The following SDK1 variants were observed in gnomAD, a reference collection of about 807,000 sequenced individuals.
SDK1 encodes sidekick cell adhesion molecule 1.
In SDK1, 157 loss-of-function variants were observed where a neutral mutation model predicts 245.5. The ratio of observed to expected loss-of-function variants is 0.64; its 90% CI spans 0.56 to 0.73. The LOEUF is 0.73. Ranked by LOEUF, SDK1 falls within the 30% of genes least tolerant of loss-of-function variation. SDK1 has a pLI of 0.00. For synonymous variants in SDK1, 1,647 were observed against 1,278.5 expected, an observed-to-expected ratio of 1.29 and a Z score of -6.15; for missense variants, 3,583 against 3,002.3, an observed-to-expected ratio of 1.19 and a Z score of -4.52.
At position 3,453,265 on chromosome 7, in the gene SDK1, G is replaced by A. The variant is rs190022289; in HGVS notation, c.298+151381G>A. Among the ~76,000 whole-genome samples the A allele has an allele frequency of 2.9e-4, 44 of 152,298 alleles. No homozygotes were observed. The East Asian group carries it at 8.3e-3, about 29-fold the overall frequency. On this transcript the variant is annotated intron_variant, in intron 1 of 44. Coordinates refer to ENST00000404826, the MANE Select transcript of SDK1 (RefSeq NM_152744.4). ...AACAATGGCTCTAGAACTTGGCTGG[G>A]CATGAGGAACATCACTGGCTTGTAA...
At chr7:3,865,139 A>G (rs1308937232) in intron 5 of SDK1, among the ~76,000 whole-genome samples, 1 of 152,120 alleles carries the variant, frequency 6.6e-6, no homozygotes, top group Non-Finnish European at 1.5e-5. Flanking sequence ...CCATCTTGGG[A>G]AGTGATGAAC....
chr7:4,059,324 T>TA (rs1338432640), intron 19 of SDK1, among the ~76,000 whole-genome samples: 1 of 151,878 alleles, frequency 6.6e-6, no homozygotes, highest in African/African-American at 2.4e-5. Context: ...ATACTTTAAG[T>TA]AAAAAACAGT....
chr7:3,914,657 G>T (rs1279963833), intron 5 of SDK1, among the ~76,000 whole-genome samples: 1 of 152,102 alleles, frequency 6.6e-6, no homozygotes, highest in Non-Finnish European at 1.5e-5. Context: ...ATGATTTTTT[G>T]CTTGAGGACA....
chr7:3,353,083 T>G (rs1780702842), intron 1 of SDK1, among the ~76,000 whole-genome samples: 1 of 152,226 alleles, frequency 6.6e-6, no homozygotes, highest in African/African-American at 2.4e-5. Flanking sequence ...TTATCCCAAT[T>G]TAGCTTTTTT....
At chr7:4,062,325 C>A (rs969849821) in intron 19 of SDK1, among the ~76,000 whole-genome samples, 1 of 152,016 alleles carries the variant, frequency 6.6e-6, no homozygotes. Flanking sequence ...GAGACTCTTA[C>A]TAACAACTAT....
At chr7:4,158,311 T>C (rs555717793) in intron 30 of SDK1, 137 bp from the exon 31 acceptor site, 15 of 654,998 alleles carry the variant, frequency 2.3e-5, no homozygotes, top group Non-Finnish European at 3.7e-5. Flanking sequence ...TGCTAAGCTG[T>C]CTCGGGCCCA....
intron 1 of SDK1, among the ~76,000 whole-genome samples, chr7:3,422,007 G>A (rs529657857): frequency 2.0e-5 from 3 of 152,016 alleles, no homozygotes; most frequent in African/African-American, 4.8e-5. Flanking sequence ...GATGAGAGGG[G>A]GAATTAAATA....
intron 14 of SDK1, among the ~76,000 whole-genome samples, chr7:3,991,065 A>G (rs11983733): frequency 0.09 from 13,680 of 152,268 alleles, 1,850 homozygotes; most frequent in African/African-American, 0.3. Flanking sequence ...AGTCAGAGGC[A>G]TCGATGCAGC....
At chr7:4,256,850 G>A (rs138282954) in intron 44 of SDK1, among the ~76,000 whole-genome samples, 15 of 152,286 alleles carry the variant, frequency 9.8e-5, no homozygotes, top group African/African-American at 3.6e-4. Flanking sequence ...AAACAGTGAG[G>A]CCATCCTTTT....
Position 4,004,458 on chromosome 7 carries a change from A to G in SDK1, c.2132-6508A>G, listed in dbSNP as rs549505404. On this transcript the variant is annotated intron_variant, in intron 14 of 44. Transcript: ENST00000404826. ...CATGCTCATTCTCATTCATATAAAA[A>G]TGCAAAGTAAAGCATCAACCAAATT... Among the ~76,000 whole-genome samples, 16 of 152,364 alleles carry G rather than the reference A, an allele frequency of 1.1e-4. No homozygotes were observed. In the South Asian group the frequency reaches 3.3e-3, roughly 32 times the overall value.
chr7:3,522,827 A>G (rs1782986742), intron 1 of SDK1, among the ~76,000 whole-genome samples: 1 of 152,054 alleles, frequency 6.6e-6, no homozygotes, highest in Admixed American at 6.6e-5. Context: ...ATCCATTTTG[A>G]TGGGGGGTGA....
At chr7:3,958,532 A>T (rs1212569176) in intron 7 of SDK1, among the ~76,000 whole-genome samples, 1 of 152,258 alleles carries the variant, frequency 6.6e-6, no homozygotes, top group East Asian at 1.9e-4. Context: ...TGCCCAATAC[A>T]GGCTGCACAC....
At position 3,377,542 on chromosome 7, in the gene SDK1, C is replaced by T. The variant is rs1449927432; in HGVS notation, c.298+75658C>T. On this transcript the variant is annotated intron_variant, in intron 1 of 44. Coordinates refer to ENST00000404826, the MANE Select transcript of SDK1 (RefSeq NM_152744.4). ...TGGTCAGGAGGTGCAGCAGTGTACC[C>T]TGTCAGGCAGAGCTGCTGCTTTTCA... 3.3e-5 allele frequency among the ~76,000 whole-genome samples: 5 copies of T among 152,186 alleles called. No homozygotes were observed. The South Asian group carries it at 6.2e-4, about 19-fold the overall frequency.
chr7:3,444,132 A>C (rs974730094), intron 1 of SDK1, among the ~76,000 whole-genome samples: 1 of 152,158 alleles, frequency 6.6e-6, no homozygotes, highest in Non-Finnish European at 1.5e-5. Flanking sequence ...TTTCCCTGGA[A>C]AGGGCGGGTT....
chr7:4,112,279 C>T (rs1396797893), intron 23 of SDK1, among the ~76,000 whole-genome samples: 1 of 152,148 alleles, frequency 6.6e-6, no homozygotes, highest in Non-Finnish European at 1.5e-5. Context: ...CAAAGGGTCC[C>T]ATTCTTCTGA....
intron 32 of SDK1, among the ~76,000 whole-genome samples, chr7:4,172,160 G>A (rs974259928): frequency 6.6e-6 from 1 of 152,204 alleles, no homozygotes; most frequent in Non-Finnish European, 1.5e-5. Context: ...TGCTGTTCCT[G>A]AATTGGGAGC....
At chr7:4,084,821 G>T (rs968815287) in intron 22 of SDK1, among the ~76,000 whole-genome samples, 1 of 152,012 alleles carries the variant, frequency 6.6e-6, no homozygotes, top group African/African-American at 2.4e-5. Flanking sequence ...AGGCTGGAGT[G>T]CAATGGCACG....
intron 1 of SDK1, among the ~76,000 whole-genome samples, chr7:3,315,040 A>G (rs897091435): frequency 2.6e-5 from 4 of 152,124 alleles, no homozygotes; most frequent in East Asian, 1.9e-4. Context: ...CTCCATCCCT[A>G]TCTGTGTTCG....
chr7:3,341,728 C>T (rs187029644), intron 1 of SDK1, among the ~76,000 whole-genome samples: 21 of 152,280 alleles, frequency 1.4e-4, no homozygotes, highest in African/African-American at 5.1e-4. Flanking sequence ...ATACAAACTT[C>T]AACATGTGTA....
Sources: gnomAD v4.1 joint callset for allele counts (sites outside exome capture counted in the v4.1 genomes callset) on GRCh38, gnomAD v4.1.1 for gene constraint, MANE v1.5 for transcripts, NCBI Gene and HGNC (gene_info 2026-07-23, HGNC 2026-07-21) for gene names.